Variants in ARHGAP31 observed in about 807,000 individuals in gnomAD.
The protein encoded by ARHGAP31 is rho GTPase-activating protein 31.
ARHGAP31 carries 34 observed loss-of-function variants against 113.9 expected under a neutral mutation model. That is an observed-to-expected ratio of 0.30 (90% CI 0.23 to 0.40). The LOEUF (loss-of-function observed/expected upper bound fraction) is 0.40, where lower values mean the gene tolerates loss of function less well. ARHGAP31 is among the 10% of genes least tolerant of loss of function. The pLI, the probability that ARHGAP31 is intolerant of heterozygous loss-of-function variation, is 1.00. For synonymous variants in ARHGAP31, 650 were observed against 684.8 expected (o/e 0.95, Z 0.79); for missense variants, 1,548 against 1,767.1 (o/e 0.88, Z 2.22).
chr3:119,314,379 A>G (rs548330165), intron 1 of ARHGAP31: 21 of 152,176 alleles, frequency 1.4e-4, no homozygotes, highest in African/African-American at 4.6e-4. Flanking sequence ...TATCATCCTC[A>G]TCCCCACCTA....
intron 1 of ARHGAP31, among the ~76,000 whole-genome samples, chr3:119,362,814 C>T (rs2080221211): frequency 6.7e-6 from 1 of 150,290 alleles, no homozygotes; most frequent in Non-Finnish European, 1.5e-5. Context: ...TGAGTTTTGA[C>T]CTGTACGAGG....
intron 1 of ARHGAP31, among the ~76,000 whole-genome samples, chr3:119,301,464 C>T (rs2107592835): frequency 6.6e-6 from 1 of 152,128 alleles, no homozygotes; most frequent in Non-Finnish European, 1.5e-5. Context: ...TCTCCAGTGC[C>T]ATTAGAGCTG....
At chr3:119,412,163 C>T (rs912717899) in intron 11 of ARHGAP31, among the ~76,000 whole-genome samples, 39 of 151,822 alleles carry the variant, frequency 2.6e-4, no homozygotes, top group Non-Finnish European at 2.7e-4. Context: ...TTGAGGCGGG[C>T]GGATCACCTG....
At chr3:119,381,985 C>CAAAAAAA (rs10719267) in intron 4 of ARHGAP31, among the ~76,000 whole-genome samples, 2 of 62,094 alleles carry the variant, frequency 3.2e-5, no homozygotes, top group Non-Finnish European at 6.5e-5. Flanking sequence ...GACTCCGTCT[C>CAAAAAAA]AAAAAAAAAA....
At chr3:119,398,917 G>C (rs1001164805) in intron 8 of ARHGAP31, among the ~76,000 whole-genome samples, 10 of 152,166 alleles carry the variant, frequency 6.6e-5, no homozygotes, top group Admixed American at 5.9e-4. Flanking sequence ...GAGCTCAGGA[G>C]TCCTCATTTG....
At chr3:119,326,214 A>G (rs1814501) in intron 1 of ARHGAP31, among the ~76,000 whole-genome samples, 1 of 152,182 alleles carries the variant, frequency 6.6e-6, no homozygotes, top group African/African-American at 2.4e-5. Context: ...TAATAATAAT[A>G]ATAAAAAGAT....
chr3:119,337,407 G>A (rs1459439105), intron 1 of ARHGAP31, among the ~76,000 whole-genome samples: 1 of 152,080 alleles, frequency 6.6e-6, no homozygotes, highest in East Asian at 1.9e-4. Context: ...CCTTTGTGGT[G>A]AGTGTTACAG....
intron 4 of ARHGAP31, 96 bp from the exon 5 acceptor site, chr3:119,382,196 G>A (rs1644870501): frequency 1.8e-6 from 2 of 1,118,298 alleles, no homozygotes; most frequent in Non-Finnish European, 2.7e-6. Context: ...GAAATATTTA[G>A]AGTCTCTTAA....
chr3:119,346,331 G>T (rs558166718), intron 1 of ARHGAP31, among the ~76,000 whole-genome samples: 1 of 152,294 alleles, frequency 6.6e-6, no homozygotes, highest in East Asian at 1.9e-4. Context: ...TCAGCTACTC[G>T]CTATTTAAGA....
chr3:119,381,000 G>A lies in ARHGAP31; in HGVS notation c.431+14G>A, dbSNP rs1436155128. On this transcript the variant is annotated intron_variant, in intron 4 of 11. Coordinates refer to ENST00000264245, the MANE Select transcript of ARHGAP31 (RefSeq NM_020754.4). ...ATCCCACTATAGGTAAGAATGGTTG[G>A]GAAAAGAAACGTGTGGCCTCTCAAT... 6.2e-7 allele frequency: 1 copy of A among 1,611,126 alleles called. No individual in the cohort carries two copies. The highest frequency in any genetic ancestry group is 8.5e-7 in the Non-Finnish European group (1 of 1,177,266).
intron 1 of ARHGAP31, among the ~76,000 whole-genome samples, chr3:119,310,661 C>T (rs2107597269): frequency 6.6e-6 from 1 of 152,252 alleles, no homozygotes; most frequent in East Asian, 1.9e-4. Context: ...CAGTTTTATC[C>T]CAAAACCATT....
intron 1 of ARHGAP31, among the ~76,000 whole-genome samples, chr3:119,301,725 G>C (rs1447827213): frequency 1.3e-5 from 2 of 152,178 alleles, no homozygotes; most frequent in African/African-American, 4.8e-5. Context: ...GCAGCAGTGG[G>C]TGGAGAAAGG....
intron 1 of ARHGAP31, among the ~76,000 whole-genome samples, chr3:119,364,791 CT>C (rs1262188190): frequency 5.9e-5 from 9 of 152,012 alleles, no homozygotes; most frequent in Non-Finnish European, 2.9e-5. Context: ...TTTTTAAATT[CT>C]TTAAAAAAAA....
chr3:119,388,308 T>TATATATACATATA, intron 6 of ARHGAP31, among the ~76,000 whole-genome samples: 1 of 133,746 alleles, frequency 7.5e-6, no homozygotes, highest in South Asian at 2.4e-4. Context: ...TGTATAATTT[T>TATATATACATATA]TATATATATA....
At chr3:119,327,034 G>A (rs537982107) in intron 1 of ARHGAP31, among the ~76,000 whole-genome samples, 4 of 152,084 alleles carry the variant, frequency 2.6e-5, no homozygotes, top group South Asian at 4.2e-4. Context: ...TCAGTTACTC[G>A]GAGGCTGAGG....
intron 1 of ARHGAP31, among the ~76,000 whole-genome samples, chr3:119,319,147 G>A (rs1004642254): frequency 6.7e-6 from 1 of 149,862 alleles, no homozygotes; most frequent in Non-Finnish European, 1.5e-5. Flanking sequence ...TTTTCAACCA[G>A]AACAAGACAC....
At position 119,382,414 on chromosome 3, in the gene ARHGAP31, C is replaced by T. The variant is rs2080409205; in HGVS notation, c.539+15C>T. 6.2e-7 allele frequency: 1 copy of T among 1,610,180 alleles called. No homozygotes were observed. On this transcript the variant is annotated intron_variant, in intron 5 of 11. Coordinates refer to ENST00000264245, the MANE Select transcript of ARHGAP31 (RefSeq NM_020754.4). ...AACCTCCTCAGGTAACCACTCTACC[C>T]TCCCCTTGTCACCAGCCCAGGGGGC...
At chr3:119,299,759 G>A (rs772419628) in intron 1 of ARHGAP31, among the ~76,000 whole-genome samples, 1 of 152,230 alleles carries the variant, frequency 6.6e-6, no homozygotes, top group African/African-American at 2.4e-5. Context: ...ATAGCTGAAG[G>A]AAAAGCTGAA....
At chr3:119,363,018 G>A (rs7616603) in intron 1 of ARHGAP31, among the ~76,000 whole-genome samples, 60,362 of 152,078 alleles carry the variant, frequency 0.4, 13,501 homozygotes, top group African/African-American at 0.62. Flanking sequence ...TACAAGATTA[G>A]TATCACTATT....
Sources: allele counts gnomAD v4.1 joint callset (sites outside exome capture counted in the v4.1 genomes callset), GRCh38; gene constraint gnomAD v4.1.1; transcripts MANE v1.5; gene names NCBI Gene and HGNC (gene_info 2026-07-23, HGNC 2026-07-21).